The following SEMA6D variants were observed in gnomAD, a reference collection of about 807,000 sequenced individuals.
SEMA6D encodes the protein semaphorin 6D.
Under a neutral mutation model 106.6 loss-of-function variants are expected in SEMA6D, and 35 were observed. The observed-to-expected ratio is 0.33, with a 90% CI of 0.25 to 0.44. SEMA6D has a LOEUF of 0.44. SEMA6D is among the 20% of genes least tolerant of loss of function. The probability of loss-of-function intolerance (pLI) is 1.00; values close to 1 mark genes in which losing one functional copy is unlikely to be tolerated. For missense variants in SEMA6D, 1,185 were observed against 1,345.9 expected (o/e 0.88, Z 1.87); for synonymous variants, 499 against 487.7 (o/e 1.02, Z -0.31).
At chr15:47,345,424 CAACACAAGAGTA>C (rs2144632126) in intron 1 of SEMA6D, among the ~76,000 whole-genome samples, 1 of 151,912 alleles carries the variant, frequency 6.6e-6, no homozygotes, top group Admixed American at 6.6e-5. Flanking sequence ...ACTTGATTTC[CAACACAAGAGTA>C]AATACAATTT....
intron 3 of SEMA6D, among the ~76,000 whole-genome samples, chr15:47,516,288 A>G (rs1321538029): frequency 6.6e-6 from 1 of 152,196 alleles, no homozygotes; most frequent in African/African-American, 2.4e-5. Flanking sequence ...AGTTTCACCA[A>G]ATAAGTAGCC....
chr15:47,555,493 A>G (rs1352789004), intron 3 of SEMA6D, among the ~76,000 whole-genome samples: 7 of 152,232 alleles, frequency 4.6e-5, no homozygotes, highest in African/African-American at 1.7e-4. Flanking sequence ...ATAGTAAGCA[A>G]GTAATATGAA....
At chr15:47,196,790 TAGAA>T (rs1245282700) in intron 1 of SEMA6D, among the ~76,000 whole-genome samples, 5 of 152,192 alleles carry the variant, frequency 3.3e-5, no homozygotes, top group African/African-American at 1.2e-4. Flanking sequence ...CGAAACATGT[TAGAA>T]AGAGCTACTG....
intron 4 of SEMA6D, among the ~76,000 whole-genome samples, chr15:47,702,774 G>A (rs184712172): frequency 1.3e-5 from 2 of 152,182 alleles, no homozygotes; most frequent in African/African-American, 2.4e-5. Context: ...AACAGGCTAT[G>A]TACTGTATGA....
chr15:47,198,742 CT>C (rs1413475985), intron 1 of SEMA6D, among the ~76,000 whole-genome samples: 4 of 152,142 alleles, frequency 2.6e-5, no homozygotes, highest in Admixed American at 2.6e-4. Flanking sequence ...TTAACTTTTT[CT>C]AAACCCAAAG....
intron 4 of SEMA6D, among the ~76,000 whole-genome samples, chr15:47,682,715 C>T (rs952935591): frequency 6.6e-6 from 1 of 152,162 alleles, no homozygotes; most frequent in Admixed American, 6.5e-5. Flanking sequence ...TCATTCGGTA[C>T]CATTGCTCTA....
chr15:47,288,417 C>T (rs1318511347), intron 1 of SEMA6D, among the ~76,000 whole-genome samples: 1 of 152,110 alleles, frequency 6.6e-6, no homozygotes, highest in Non-Finnish European at 1.5e-5. Context: ...TTACTTAATC[C>T]TCACAATATC....
chr15:47,437,190 C>T (rs1567078981), intron 2 of SEMA6D, among the ~76,000 whole-genome samples: 2 of 151,964 alleles, frequency 1.3e-5, no homozygotes, highest in Non-Finnish European at 2.9e-5. Flanking sequence ...ATCTCCTTAG[C>T]CAATTGCTGT....
intron 3 of SEMA6D, among the ~76,000 whole-genome samples, chr15:47,578,284 A>G (rs2076191768): frequency 6.6e-6 from 1 of 152,258 alleles, no homozygotes. Flanking sequence ...ATTACACTGC[A>G]TAAAGTAGGT....
At chr15:47,407,409 C>CA (rs1323921492) in intron 1 of SEMA6D, among the ~76,000 whole-genome samples, 30 of 118,890 alleles carry the variant, frequency 2.5e-4, no homozygotes, top group Admixed American at 6.8e-4. Flanking sequence ...ACAACAACAA[C>CA]AAAAAAAACA....
intron 1 of SEMA6D, among the ~76,000 whole-genome samples, chr15:47,186,066 T>G (rs1314072219): frequency 6.6e-6 from 1 of 152,172 alleles, no homozygotes; most frequent in Non-Finnish European, 1.5e-5. Flanking sequence ...TATGTATGTA[T>G]GTGTGCATGT....
chr15:47,763,755 T>G, intron 9 of SEMA6D, 95 bp from the exon 10 acceptor site: 1 of 1,053,430 alleles, frequency 9.5e-7, no homozygotes, highest in Non-Finnish European at 1.5e-6. Context: ...AGATGTATCT[T>G]TAGTATTTTT....
chr15:47,319,606 T>A (rs539799914), intron 1 of SEMA6D, among the ~76,000 whole-genome samples: 21 of 152,116 alleles, frequency 1.4e-4, no homozygotes, highest in African/African-American at 5.1e-4. Context: ...GTGTTGGATA[T>A]TTCCCTCCCC....
In SEMA6D at chr15:47,457,565, A is replaced by T. The variant is rs1000283271; in HGVS notation, c.-158-12909A>T. Among the ~76,000 whole-genome samples the T allele has an allele frequency of 2.0e-5, 3 of 152,004 alleles. No individual in the cohort carries two copies. In the East Asian group the frequency reaches 5.8e-4, roughly 29 times the overall value. ...ATATAACTGCCCAAGATTTAAAAAT[A>T]TGTAGGAAGAGACTATCCGAAGATT... On this transcript the variant is annotated intron_variant, in intron 2 of 19. Transcript: ENST00000558014.
intron 1 of SEMA6D, among the ~76,000 whole-genome samples, chr15:47,411,708 C>G (rs890192917): frequency 6.6e-6 from 1 of 152,068 alleles, no homozygotes; most frequent in Non-Finnish European, 1.5e-5. Flanking sequence ...GCTTTTCACC[C>G]CCTCTGTCTT....
intron 4 of SEMA6D, among the ~76,000 whole-genome samples, chr15:47,711,153 C>CA (rs1232644276): frequency 6.6e-6 from 1 of 151,056 alleles, no homozygotes; most frequent in South Asian, 2.1e-4. Context: ...ACTAAAAATA[C>CA]AAAAAAATTA....
chr15:47,313,231 G>C (rs893160079), intron 1 of SEMA6D, among the ~76,000 whole-genome samples: 2 of 151,936 alleles, frequency 1.3e-5, no homozygotes, highest in Non-Finnish European at 2.9e-5. Context: ...TGTCATACAG[G>C]GTATTTTCAT....
At chr15:47,352,882 T>C (rs766238022) in intron 1 of SEMA6D, among the ~76,000 whole-genome samples, 98 of 152,340 alleles carry the variant, frequency 6.4e-4, no homozygotes, top group Non-Finnish European at 5.0e-4. Flanking sequence ...GTTAACATCA[T>C]GTAGATACAA....
chr15:47,194,649 G>C (rs1287465950), intron 1 of SEMA6D, among the ~76,000 whole-genome samples: 1 of 152,180 alleles, frequency 6.6e-6, no homozygotes, highest in East Asian at 1.9e-4. Context: ...TGAAATATTT[G>C]TCTAGGAAAT....
Sources: gnomAD v4.1 joint callset for allele counts (sites outside exome capture counted in the v4.1 genomes callset) on GRCh38, gnomAD v4.1.1 for gene constraint, MANE v1.5 for transcripts, NCBI Gene and HGNC (gene_info 2026-07-23, HGNC 2026-07-21) for gene names.